RAD51B: variants seen among roughly 807,000 people sequenced by gnomAD.
RAD51B encodes RAD51 paralog B, also known as DNA repair protein RAD51 homolog 2.
In RAD51B, 38 loss-of-function variants were observed where a neutral mutation model predicts 42.2. The observed-to-expected ratio is 0.90, with a 90% CI of 0.70 to 1.18. The LOEUF (loss-of-function observed/expected upper bound fraction) is 1.18. Among genes scored for constraint, RAD51B ranks in the 50% most tolerant of loss-of-function variants. The probability of loss-of-function intolerance (pLI) is 0.00; values close to 1 mark genes in which losing one functional copy is unlikely to be tolerated. For missense variants in RAD51B, 373 were observed against 400.7 expected, an observed-to-expected ratio of 0.93 and a Z score of 0.59; for synonymous variants, 154 against 145.2, an observed-to-expected ratio of 1.06 and a Z score of -0.43.
In RAD51B at chr14:68,523,518, A is replaced by G. The variant is rs143376722; in HGVS notation, c.1036+55268A>G. Among the ~76,000 whole-genome samples, 714 of 152,332 alleles carry G rather than the reference A, an allele frequency of 4.7e-3. 5 individuals carry two copies. The highest frequency in any genetic ancestry group is 0.017 in the African/African-American group (693 of 41,566). ...GAGAATCAGGAAGACAGCCAGCACCAAAGAGCCCTGAGAGAACCCACTATG... is the reference window on the plus strand; with the variant it reads ...GAGAATCAGGAAGACAGCCAGCACCGAAGAGCCCTGAGAGAACCCACTATG... On this transcript the variant is annotated intron_variant, in intron 10 of 10. Coordinates refer to the RAD51B transcript ENST00000487270.
At chr14:68,291,519 T>G (rs1029847440) in intron 7 of RAD51B, among the ~76,000 whole-genome samples, 2 of 152,216 alleles carry the variant, frequency 1.3e-5, no homozygotes, top group Non-Finnish European at 2.9e-5. Flanking sequence ...CTTTAAAAAT[T>G]AAAGTCTGAT....
downstream of RAD51B, among the ~76,000 whole-genome samples, chr14:68,613,223 C>A (rs1197832587): frequency 6.6e-6 from 1 of 151,954 alleles, no homozygotes; most frequent in Non-Finnish European, 1.5e-5. Flanking sequence ...CAAGACCAGC[C>A]TGCCCAACAT....
intron 7 of RAD51B, among the ~76,000 whole-genome samples, chr14:67,920,535 T>C (rs1425487710): frequency 6.6e-6 from 1 of 152,172 alleles, no homozygotes; most frequent in East Asian, 1.9e-4. Flanking sequence ...CACAGATAAA[T>C]GGCCCATAAA....
At chr14:68,337,030 A>G (rs917680668) in intron 8 of RAD51B, among the ~76,000 whole-genome samples, 1 of 152,230 alleles carries the variant, frequency 6.6e-6, no homozygotes, top group Admixed American at 6.5e-5. Context: ...TTGTCAAACT[A>G]GTAAGAGGGT....
rs2140253908 is a variant in RAD51B at position 68,477,569 on chromosome 14, A to G, written c.1037-79A>G. 2.7e-6 allele frequency: 4 copies of G among 1,476,660 alleles called. 1 individual carries two copies. Among genetic ancestry groups the G allele is most frequent in the South Asian group, 2.5e-5 (2 of 80,636 alleles). 91.5% of individuals were successfully genotyped at this position (1,476,660 alleles called of 1,614,324 possible). A position where few individuals can be genotyped will look rare whatever the true frequency, so the allele number is the denominator to read the frequency against. On this transcript the variant is annotated intron_variant, in intron 10 of 10. Coordinates refer to ENST00000471583, the MANE Select transcript of RAD51B (RefSeq NM_133510.4). ...CTGCTGTTGGAGGAAAGTTCCATTT[A>G]GGTTGCTGGTGGGAAGTTAGTGCAT...
chr14:68,295,626 T>C (rs547332048), intron 8 of RAD51B, among the ~76,000 whole-genome samples: 1 of 152,154 alleles, frequency 6.6e-6, no homozygotes, highest in South Asian at 2.1e-4. Context: ...ACAGGATCTG[T>C]TGGGGTGGAA....
downstream of RAD51B, among the ~76,000 whole-genome samples, chr14:68,481,902 T>C (rs2140264410): frequency 6.6e-6 from 1 of 152,350 alleles, no homozygotes; most frequent in East Asian, 1.9e-4. Context: ...TCTTCTACTC[T>C]GAGCAGTGAT....
At chr14:68,609,444 C>G (rs1423687760) in intron 10 of RAD51B, among the ~76,000 whole-genome samples, 4 of 152,166 alleles carry the variant, frequency 2.6e-5, no homozygotes, top group African/African-American at 4.8e-5. Context: ...TCTCACCCCC[C>G]TCAGAGCTCA....
chr14:68,129,961 C>T (rs528714366), intron 7 of RAD51B: 3 of 152,294 alleles, frequency 2.0e-5, no homozygotes, highest in African/African-American at 4.8e-5. Context: ...AAAACAACAG[C>T]CATTTATTAG....
At chr14:68,333,263 G>A (rs995082707) in intron 8 of RAD51B, among the ~76,000 whole-genome samples, 1 of 150,234 alleles carries the variant, frequency 6.7e-6, no homozygotes, top group Admixed American at 6.7e-5. Context: ...AAAAATAGAC[G>A]AGGGATATAA....
intron 10 of RAD51B, among the ~76,000 whole-genome samples, chr14:68,524,903 G>A (rs1344119864): frequency 6.6e-6 from 1 of 152,360 alleles, no homozygotes; most frequent in Non-Finnish European, 1.5e-5. Context: ...AAGAATGTTC[G>A]TGATAGGGGT....
chr14:68,623,483 C>T (rs1264899462), intron 10 of RAD51B, among the ~76,000 whole-genome samples: 1 of 152,214 alleles, frequency 6.6e-6, no homozygotes, highest in East Asian at 1.9e-4. Context: ...CTGCAAAAGG[C>T]CAACATGCAT....
chr14:68,288,739 T>C (rs1566786988), intron 7 of RAD51B, among the ~76,000 whole-genome samples: 1 of 152,222 alleles, frequency 6.6e-6, no homozygotes, highest in Non-Finnish European at 1.5e-5. Flanking sequence ...ATGTATATGG[T>C]GACATGCTTT....
chr14:68,055,138 C>T (rs1044514436), intron 7 of RAD51B, among the ~76,000 whole-genome samples: 10 of 152,120 alleles, frequency 6.6e-5, no homozygotes, highest in Non-Finnish European at 1.2e-4. Flanking sequence ...AATAACTTAT[C>T]TAAACATGTA....
intron 8 of RAD51B, among the ~76,000 whole-genome samples, chr14:68,353,982 C>A (rs753051340): frequency 9.2e-4 from 140 of 152,248 alleles, no homozygotes; most frequent in East Asian, 5.8e-4. Context: ...TGATGTTAGG[C>A]AAGCAAGCAT....
At chr14:67,822,437 G>C (rs1442003907) in intron 1 of RAD51B, 1 of 152,252 alleles carries the variant, frequency 6.6e-6, no homozygotes, top group Non-Finnish European at 1.5e-5. Context: ...AGCACTTTAG[G>C]AGGTCAAGGC....
At chr14:68,438,416 G>T (rs79653642) in intron 9 of RAD51B, among the ~76,000 whole-genome samples, 1 of 152,176 alleles carries the variant, frequency 6.6e-6, no homozygotes. Context: ...GCTGGTAAAG[G>T]AGAAAAAGGA....
At chr14:67,865,206 C>T in intron 5 of RAD51B, 67 bp downstream of exon 5, 1 of 1,341,938 alleles carries the variant, frequency 7.5e-7, no homozygotes. Context: ...GAAACATTTA[C>T]ACATAGGTTA....
At chr14:68,078,709 G>A (rs956363590) in intron 7 of RAD51B, among the ~76,000 whole-genome samples, 1 of 152,160 alleles carries the variant, frequency 6.6e-6, no homozygotes, top group African/African-American at 2.4e-5. Flanking sequence ...ATAACTTGGG[G>A]CTGGACACGG....
Sources: allele counts gnomAD v4.1 joint callset (sites outside exome capture counted in the v4.1 genomes callset), GRCh38; gene constraint gnomAD v4.1.1; transcripts MANE v1.5; gene names NCBI Gene and HGNC (gene_info 2026-07-23, HGNC 2026-07-21).